Variants in ADGRA3 observed in about 807,000 individuals in gnomAD.
The protein encoded by ADGRA3 is adhesion G protein-coupled receptor A3, also known as G-protein coupled receptor 125.
A neutral mutation model predicts 119.8 loss-of-function variants in ADGRA3; 56 were observed. The observed-to-expected ratio is 0.47, with a 90% confidence interval of 0.38 to 0.58. The LOEUF is 0.58. Ranked by LOEUF, ADGRA3 falls within the 20% of genes least tolerant of loss-of-function variation. ADGRA3 has a pLI of 0.00. For synonymous variants in ADGRA3, 607 were observed against 623.8 expected, an observed-to-expected ratio of 0.97 and a Z score of 0.40; for missense variants, 1,516 against 1,649.0, an observed-to-expected ratio of 0.92 and a Z score of 1.40.
chr4:22,448,665 C>T (rs925597362), intron 4 of ADGRA3, among the ~76,000 whole-genome samples: 4 of 152,130 alleles, frequency 2.6e-5, no homozygotes, highest in African/African-American at 9.7e-5. Flanking sequence ...CAACATATTC[C>T]TGGATGGGAA....
Position 22,476,086 on chromosome 4 carries a change from G to A in ADGRA3, c.258-2243C>T, listed in dbSNP as rs770960599. Among the ~76,000 whole-genome samples the A allele has an allele frequency of 2.1e-4, 32 of 152,190 alleles. No individual in the cohort carries two copies. In the Middle Eastern group the frequency reaches 0.017, roughly 81 times the overall value. On this transcript the variant is annotated intron_variant, in intron 1 of 18. Transcript: ENST00000334304. ...TCAATCATTGGAATGAAGAAAACAT[G>A]GTGACCAAAAACATTCCGATTAAAA...
chr4:22,510,564 G>T (rs555441706), intron 1 of ADGRA3, among the ~76,000 whole-genome samples: 35 of 152,060 alleles, frequency 2.3e-4, no homozygotes, highest in East Asian at 1.9e-3. Context: ...ACCCCAACCA[G>T]GCCTGTGTTT....
intron 2 of ADGRA3, 114 bp from the exon 3 acceptor site, chr4:22,461,922 A>C: frequency 1.7e-6 from 1 of 581,948 alleles, no homozygotes; most frequent in Non-Finnish European, 2.9e-6. Context: ...AGAGGAGGAA[A>C]CTGAAGCCAA....
At chr4:22,425,420 G>A (rs1301496083) in intron 10 of ADGRA3, among the ~76,000 whole-genome samples, 1 of 152,160 alleles carries the variant, frequency 6.6e-6, no homozygotes, top group Non-Finnish European at 1.5e-5. Context: ...ACCAACTATT[G>A]TTTACTATAA....
chr4:22,424,682 G>C (rs1457751404), intron 10 of ADGRA3, among the ~76,000 whole-genome samples: 1 of 152,162 alleles, frequency 6.6e-6, no homozygotes, highest in Non-Finnish European at 1.5e-5. Flanking sequence ...CACAATACCA[G>C]AATAAAAAGA....
At chr4:22,496,683 A>G (rs926938339) in intron 1 of ADGRA3, among the ~76,000 whole-genome samples, 21 of 152,242 alleles carry the variant, frequency 1.4e-4, no homozygotes, top group East Asian at 5.8e-4. Context: ...TTTTGTAAAT[A>G]TAAGTGGCTG....
Position 22,413,768 on chromosome 4 carries a change from G to A in ADGRA3, c.1856C>T (p.Ser619Leu), listed in dbSNP as rs1560304095. ...ASIQLPPSLFSPKQKRELRPT... is the reference protein window; with the variant it reads ...ASIQLPPSLFLPKQKRELRPT... ...TCTGAGTTCTCTTTTTTGCTTTGGT[G>A]AGAAAAGGGAAGGAGGAAGCTGAAT... Residue 619 changes from serine (S) to leucine (L), a missense_variant, in exon 13 of 19, where the codon TCA (serine) becomes TTA (leucine). By Grantham distance (145) the Ser-to-Leu change is moderately radical (BLOSUM62 -2). Around this residue, in one of 2 missense-constraint regions of ADGRA3, gnomAD observed 1,088 missense variants for 1,107.1 expected, o/e 0.98. Coordinates refer to ENST00000334304, the MANE Select transcript of ADGRA3 (RefSeq NM_145290.4). 6.2e-7 allele frequency: 1 copy of A among 1,613,740 alleles called. No homozygotes were observed. The highest frequency in any genetic ancestry group is 8.5e-7 in the Non-Finnish European group (1 of 1,179,860).
intron 1 of ADGRA3, among the ~76,000 whole-genome samples, chr4:22,501,817 T>G (rs1348745038): frequency 6.6e-6 from 1 of 152,010 alleles, no homozygotes; most frequent in Non-Finnish European, 1.5e-5. Context: ...ATTATAAAAC[T>G]TTAAAAAAAA....
At chr4:22,487,652 C>T (rs1190216515) in intron 1 of ADGRA3, among the ~76,000 whole-genome samples, 1 of 152,124 alleles carries the variant, frequency 6.6e-6, no homozygotes, top group Admixed American at 6.5e-5. Context: ...AAACACTACA[C>T]CATTGTCACC....
chr4:22,461,659 T>C (rs1717460203), intron 3 of ADGRA3, 78 bp downstream of exon 3: 3 of 1,007,780 alleles, frequency 3.0e-6, no homozygotes, highest in Non-Finnish European at 4.5e-6. Context: ...TGTCCATTTT[T>C]CATCATGTTA....
At position 22,446,356 on chromosome 4, in the gene ADGRA3, C is replaced by T. The variant is rs114344720; in HGVS notation, c.545+1084G>A. 3.6e-3 allele frequency among the ~76,000 whole-genome samples: 549 copies of T among 152,270 alleles called. 2 individuals carry two copies. The highest frequency in any genetic ancestry group is 0.013 in the African/African-American group (523 of 41,558). On this transcript the variant is annotated intron_variant, in intron 5 of 18. Coordinates refer to ENST00000334304, the MANE Select transcript of ADGRA3 (RefSeq NM_145290.4). ...AAAATACTTCCCACGTTCCTGCTACCCAGGGTCTCAAAAGCCAGACTAGCT... is the reference window on the plus strand; with the variant it reads ...AAAATACTTCCCACGTTCCTGCTACTCAGGGTCTCAAAAGCCAGACTAGCT...
intron 12 of ADGRA3, 185 bp downstream of exon 12, chr4:22,420,701 A>C: frequency 5.4e-5 from 32 of 593,768 alleles, no homozygotes; most frequent in Non-Finnish European, 7.4e-5. Flanking sequence ...AAAAATGCCT[A>C]GGGCCCTTGA....
chr4:22,513,199 G>A (rs942124252), intron 1 of ADGRA3, among the ~76,000 whole-genome samples: 18 of 147,796 alleles, frequency 1.2e-4, no homozygotes, highest in Non-Finnish European at 2.2e-4. Flanking sequence ...AGGCTGGAGC[G>A]CAATGGTGCC....
intron 1 of ADGRA3, among the ~76,000 whole-genome samples, chr4:22,478,645 A>C (rs962907795): frequency 6.6e-6 from 1 of 152,156 alleles, no homozygotes; most frequent in African/African-American, 2.4e-5. Flanking sequence ...CTTGTTTAGA[A>C]AAAAAGTGTT....
chr4:22,406,516 G>GT (rs1280306722), intron 14 of ADGRA3, among the ~76,000 whole-genome samples: 1 of 152,046 alleles, frequency 6.6e-6, no homozygotes, highest in African/African-American at 2.4e-5. Flanking sequence ...CTGGGGTAAG[G>GT]TATCTTATTG....
At chr4:22,509,574 C>G (rs1171581625) in intron 1 of ADGRA3, among the ~76,000 whole-genome samples, 1 of 151,968 alleles carries the variant, frequency 6.6e-6, no homozygotes, top group East Asian at 1.9e-4. Flanking sequence ...CACCTTCCCC[C>G]GTAGGTAGGG....
At chr4:22,467,004 CATAA>C (rs530521324) in intron 2 of ADGRA3, among the ~76,000 whole-genome samples, 1 of 152,258 alleles carries the variant, frequency 6.6e-6, no homozygotes, top group East Asian at 1.9e-4. Flanking sequence ...CAAGGCTGTT[CATAA>C]AGCCAGATAA....
intron 1 of ADGRA3, among the ~76,000 whole-genome samples, chr4:22,499,019 G>C (rs1255952191): frequency 6.6e-6 from 1 of 152,204 alleles, no homozygotes; most frequent in Non-Finnish European, 1.5e-5. Context: ...GCAGGTCTCA[G>C]CTTGTAAGTG....
At chr4:22,511,210 A>C (rs1243799615) in intron 1 of ADGRA3, among the ~76,000 whole-genome samples, 1 of 152,256 alleles carries the variant, frequency 6.6e-6, no homozygotes, top group Non-Finnish European at 1.5e-5. Flanking sequence ...TCCATCAATG[A>C]AATCCTCAGA....
Sources: allele counts gnomAD v4.1 joint callset (sites outside exome capture counted in the v4.1 genomes callset), GRCh38; gene constraint gnomAD v4.1.1; regional missense constraint gnomAD v4.1.1; transcripts MANE v1.5; gene names NCBI Gene and HGNC (gene_info 2026-07-23, HGNC 2026-07-21).